The following ADAMTSL3 variants were observed in gnomAD, a reference collection of about 807,000 sequenced individuals.
The protein encoded by ADAMTSL3 is ADAMTS like 3.
Under a neutral mutation model 201.7 loss-of-function variants are expected in ADAMTSL3, and 128 were observed. The ratio of observed to expected loss-of-function variants is 0.63; its 90% CI spans 0.55 to 0.73. The LOEUF (loss-of-function observed/expected upper bound fraction) is 0.73, where lower values mean the gene tolerates loss of function less well. ADAMTSL3 is among the 30% of genes least tolerant of loss of function. The probability of loss-of-function intolerance (pLI) is 0.00; values close to 1 mark genes in which losing one functional copy is unlikely to be tolerated. For missense variants in ADAMTSL3, 1,990 were observed against 2,119.6 expected, an observed-to-expected ratio of 0.94 and a Z score of 1.20; for synonymous variants, 738 against 748.4, an observed-to-expected ratio of 0.99 and a Z score of 0.23.
chr15:83,999,362 T>A (rs919542091), intron 23 of ADAMTSL3, among the ~76,000 whole-genome samples: 1 of 152,176 alleles, frequency 6.6e-6, no homozygotes, highest in Non-Finnish European at 1.5e-5. Context: ...ATTATTTTTT[T>A]AAAAAAGAGT....
intron 26 of ADAMTSL3, among the ~76,000 whole-genome samples, chr15:84,022,181 C>G (rs965162662): frequency 6.6e-6 from 1 of 152,126 alleles, no homozygotes; most frequent in African/African-American, 2.4e-5. Flanking sequence ...TCTCTCACTT[C>G]CATCCATTCT....
chr15:83,794,711 T>C (rs1596222502), intron 4 of ADAMTSL3, among the ~76,000 whole-genome samples: 1 of 152,166 alleles, frequency 6.6e-6, no homozygotes, highest in African/African-American at 2.4e-5. Flanking sequence ...ATTCTTGTGA[T>C]GATAGAAATG....
chr15:83,977,116 G>A (rs1347594425), intron 20 of ADAMTSL3, among the ~76,000 whole-genome samples: 2 of 152,040 alleles, frequency 1.3e-5, no homozygotes, highest in African/African-American at 2.4e-5. Flanking sequence ...GATCAGCAGC[G>A]GCATTAGCTT....
intron 16 of ADAMTSL3, among the ~76,000 whole-genome samples, chr15:83,922,969 G>A (rs1223247394): frequency 6.6e-6 from 1 of 152,022 alleles, no homozygotes; most frequent in African/African-American, 2.4e-5. Context: ...ATCTTGTTCC[G>A]TCTGATTTTC....
chr15:83,705,163 CAG>C (rs2061831486), intron 3 of ADAMTSL3, among the ~76,000 whole-genome samples: 2 of 152,144 alleles, frequency 1.3e-5, no homozygotes, highest in Admixed American at 6.5e-5. Flanking sequence ...CTTGGTGAAA[CAG>C]AGAGTTTCAA....
chr15:83,835,093 G>A (rs2064238202), intron 6 of ADAMTSL3, among the ~76,000 whole-genome samples: 1 of 152,044 alleles, frequency 6.6e-6, no homozygotes, highest in South Asian at 2.1e-4. Context: ...AATTAGCCGG[G>A]CATGGTGGCG....
At chr15:83,869,631 C>T (rs191944263) in intron 8 of ADAMTSL3, among the ~76,000 whole-genome samples, 1 of 152,298 alleles carries the variant, frequency 6.6e-6, no homozygotes, top group Admixed American at 6.5e-5. Context: ...CAAATGAAAA[C>T]AACCAAAGCC....
chr15:83,768,906 C>G (rs556654896), intron 3 of ADAMTSL3, among the ~76,000 whole-genome samples: 13 of 152,126 alleles, frequency 8.5e-5, no homozygotes, highest in African/African-American at 2.7e-4. Context: ...CTGCTGGAGA[C>G]GGCATTGGGG....
At chr15:83,947,375 T>C (rs2142050054) in intron 19 of ADAMTSL3, among the ~76,000 whole-genome samples, 1 of 152,374 alleles carries the variant, frequency 6.6e-6, no homozygotes. Flanking sequence ...ATGTTTAAGC[T>C]CTGTCCATTC....
At chr15:83,799,516 T>C (rs779197426) in intron 4 of ADAMTSL3, among the ~76,000 whole-genome samples, 49 of 152,270 alleles carry the variant, frequency 3.2e-4, no homozygotes, top group Admixed American at 1.8e-3. Context: ...TAAAAATTAA[T>C]ATATTTTTAT....
intron 6 of ADAMTSL3, among the ~76,000 whole-genome samples, chr15:83,825,112 TA>T (rs1214516065): frequency 6.6e-6 from 1 of 152,196 alleles, no homozygotes; most frequent in Non-Finnish European, 1.5e-5. Flanking sequence ...CAACCAAAAG[TA>T]GACTTTTGAC....
intron 4 of ADAMTSL3, among the ~76,000 whole-genome samples, chr15:83,796,971 C>A (rs552146470): frequency 6.6e-6 from 1 of 152,084 alleles, no homozygotes; most frequent in Non-Finnish European, 1.5e-5. Flanking sequence ...AGAAGAATAT[C>A]TTTGTGATTT....
At position 83,741,277 on chromosome 15, in the gene ADAMTSL3, T is replaced by C. The variant is rs867822428; in HGVS notation, c.190-32246T>C. ...TAGATGGAATCCCACAGGGTGTTTTTTCTTTTTAGGTTACTGCATCTTCAC... is the reference window on the plus strand; with the variant it reads ...TAGATGGAATCCCACAGGGTGTTTTCTCTTTTTAGGTTACTGCATCTTCAC... On this transcript the variant is annotated intron_variant, in intron 3 of 29. Transcript: ENST00000286744. Among the ~76,000 whole-genome samples the C allele has an allele frequency of 4.0e-5, 6 of 151,622 alleles. No homozygotes were observed. The South Asian group carries it at 6.2e-4, about 16-fold the overall frequency.
At chr15:83,896,493 A>T (rs980292366) in intron 13 of ADAMTSL3, among the ~76,000 whole-genome samples, 1 of 152,194 alleles carries the variant, frequency 6.6e-6, no homozygotes, top group Non-Finnish European at 1.5e-5. Flanking sequence ...TTTAATAATG[A>T]TATATTAAAT....
intron 2 of ADAMTSL3, among the ~76,000 whole-genome samples, chr15:83,676,996 T>C (rs2061415607): frequency 6.6e-6 from 1 of 152,238 alleles, no homozygotes; most frequent in Non-Finnish European, 1.5e-5. Context: ...GCATCCCAAA[T>C]GGACTAAGAC....
intron 11 of ADAMTSL3, chr15:83,890,779 A>G (rs1364756219): frequency 6.5e-6 from 1 of 154,484 alleles, no homozygotes; most frequent in East Asian, 1.9e-4. Flanking sequence ...CCTTAAAATA[A>G]CAGAACAATA....
At chr15:84,023,055 A>G (rs34529571) in intron 26 of ADAMTSL3, among the ~76,000 whole-genome samples, 24,869 of 152,098 alleles carry the variant, frequency 0.16, 2,656 homozygotes, top group Middle Eastern at 0.35. Flanking sequence ...TCTTACCACA[A>G]TTGTCTGTCT....
rs1338122561 is a variant in ADAMTSL3, at chr15:83,791,858, C to CA, written c.318-12780dup. ...TGGGCGACAGAGTGAGACTCTGTCT[C>CA]AAAAAAAAAAAAGAAAAAGAAAAAT... On this transcript the variant is annotated intron_variant, in intron 4 of 29. Coordinates refer to ENST00000286744, the MANE Select transcript of ADAMTSL3 (RefSeq NM_207517.3). 6.4e-3 allele frequency among the ~76,000 whole-genome samples: 563 copies of CA among 87,800 alleles called. 2 individuals are homozygous for CA. The highest frequency in any genetic ancestry group is 0.015 in the African/African-American group (347 of 22,806). The allele number at this position is 87,800 out of a possible 152,430, so 57.6% of individuals were successfully genotyped here.
At chr15:83,849,914 A>T (rs2064575117) in intron 7 of ADAMTSL3, among the ~76,000 whole-genome samples, 1 of 152,244 alleles carries the variant, frequency 6.6e-6, no homozygotes, top group African/African-American at 2.4e-5. Context: ...TGAAATCAGT[A>T]AAACTTCTGA....
Sources: allele counts gnomAD v4.1 joint callset (sites outside exome capture counted in the v4.1 genomes callset), GRCh38; gene constraint gnomAD v4.1.1; transcripts MANE v1.5; gene names NCBI Gene and HGNC (gene_info 2026-07-23, HGNC 2026-07-21).